Variants in DSCAML1 observed in about 807,000 individuals in gnomAD.
DSCAML1 encodes the protein cell adhesion molecule DSCAML1.
A neutral mutation model predicts 200.5 loss-of-function variants in DSCAML1; 38 were observed. The observed-to-expected ratio is 0.19, with a 90% CI of 0.15 to 0.25. The LOEUF is 0.25. Among genes scored for constraint, DSCAML1 ranks in the 10% least tolerant of loss-of-function variants. The probability of loss-of-function intolerance (pLI) is 1.00; values close to 1 mark genes in which losing one functional copy is unlikely to be tolerated. For synonymous variants in DSCAML1, 1,215 were observed against 1,165.0 expected (o/e 1.04, Z -0.87); for missense variants, 2,223 against 2,858.8 (o/e 0.78, Z 5.07).
chr11:117,433,280 G>T, intron 28 of DSCAML1, 24 bp from the exon 29 acceptor site: 2 of 1,595,008 alleles, frequency 1.3e-6, no homozygotes, highest in Non-Finnish European at 1.7e-6. Flanking sequence ...GACTGGAGGT[G>T]GTGGCTCAGC....
intron 3 of DSCAML1, among the ~76,000 whole-genome samples, chr11:117,738,417 C>A (rs1336863581): frequency 1.3e-5 from 2 of 151,890 alleles, no homozygotes; most frequent in Non-Finnish European, 2.9e-5. Context: ...TGACGTCAGC[C>A]AGACCCCTCT....
rs761551361 is a variant in DSCAML1 at position 117,481,977 on chromosome 11, C to T, written c.2545G>A (p.Val849Ile). 36 of 1,613,930 alleles carry T rather than the reference C, an allele frequency of 2.2e-5. No individual in the cohort carries two copies. The African/African-American group carries it at 2.7e-4, about 12-fold the overall frequency. Residue 849 changes from valine to isoleucine, a missense_variant, in exon 12 of 33, where the codon GTC (valine) becomes ATC (isoleucine). This residue lies in a region of DSCAML1 where 438 missense variants were observed against 629.7 expected (regional missense o/e 0.70). Coordinates refer to ENST00000651296, the MANE Select transcript of DSCAML1 (RefSeq NM_020693.4). ...IATKDNGDEVVSTLKLKPADR... is the reference protein window; with the variant it reads ...IATKDNGDEVISTLKLKPADR... ...GGGGTGCTCACCTTCAGTGTGGAGA[C>T]GACCTCGTCGCCGTTGTCCTTGGTG...
At chr11:117,582,047 C>G (rs1030130527) in intron 3 of DSCAML1, among the ~76,000 whole-genome samples, 2 of 152,168 alleles carry the variant, frequency 1.3e-5, no homozygotes, top group Non-Finnish European at 1.5e-5. Context: ...GATGCGCATT[C>G]TCTGAAAGTA....
At chr11:117,650,223 T>C (rs905185628) in intron 3 of DSCAML1, among the ~76,000 whole-genome samples, 2 of 152,068 alleles carry the variant, frequency 1.3e-5, no homozygotes, top group Non-Finnish European at 2.9e-5. Context: ...GTCTGCCCAC[T>C]CCCCACATGA....
chr11:117,518,554 G>T lies in DSCAML1; in HGVS notation c.1422C>A (p.Gly474=). The change falls in exon 7 of 33, where the codon GGC becomes GGA. Residue 474 remains glycine (G), a synonymous_variant. Coordinates refer to ENST00000651296, the MANE Select transcript of DSCAML1 (RefSeq NM_020693.4). The surrounding 1 kb of genome is among the most constrained non-coding windows in gnomAD (Gnocchi z 6.3). ...ACACGCCCCCGTCGCGGATCTGGGG[G>T]CCTGTGACGTTCATGTGGCTGATGG... ...GTTISHMNVT[G]PQIRDGGVYR... 3 of 1,614,206 alleles carry T rather than the reference G, an allele frequency of 1.9e-6. No individual in the cohort carries two copies. Among genetic ancestry groups the T allele is most frequent in the Non-Finnish European group, 1.7e-6 (2 of 1,180,046 alleles).
chr11:117,461,857 T>G (rs1046520720), intron 17 of DSCAML1, among the ~76,000 whole-genome samples: 7 of 152,180 alleles, frequency 4.6e-5, no homozygotes, highest in Non-Finnish European at 7.4e-5. Context: ...ACATTCCTGG[T>G]TGTGGTTAAA....
intron 3 of DSCAML1, among the ~76,000 whole-genome samples, chr11:117,575,970 T>C (rs1356109827): frequency 6.6e-6 from 1 of 152,182 alleles, no homozygotes; most frequent in Non-Finnish European, 1.5e-5. Context: ...ATAGAGAGGA[T>C]GCAGAGGGTC....
At position 117,509,356 on chromosome 11, in the gene DSCAML1, TGAA is replaced by T. The variant is rs542496851; in HGVS notation, c.1784-3627_1784-3625del. Among the ~76,000 whole-genome samples the T allele has an allele frequency of 2.1e-3, 315 of 152,260 alleles. 2 individuals are homozygous for T. The highest frequency in any genetic ancestry group is 6.6e-3 in the African/African-American group (274 of 41,528). ...AACATCAACAGCTCCGAGAGGCCAC[TGAA>T]GAAGAAGTAGCCAACATCCATCCTG... On this transcript the variant is annotated intron_variant, in intron 8 of 32. Coordinates refer to ENST00000651296, the MANE Select transcript of DSCAML1 (RefSeq NM_020693.4).
At chr11:117,679,299 G>C (rs191701592) in intron 3 of DSCAML1, among the ~76,000 whole-genome samples, 3 of 152,336 alleles carry the variant, frequency 2.0e-5, no homozygotes, top group African/African-American at 7.2e-5. Context: ...CATGAACCAG[G>C]CAGCTGGTGC....
At chr11:117,585,446 C>T (rs1423983766) in intron 3 of DSCAML1, among the ~76,000 whole-genome samples, 4 of 152,288 alleles carry the variant, frequency 2.6e-5, no homozygotes, top group Non-Finnish European at 2.9e-5. Context: ...GATAGGCTTT[C>T]ACATGTTGGC....
intron 3 of DSCAML1, among the ~76,000 whole-genome samples, chr11:117,747,661 C>T (rs1396086696): frequency 6.6e-6 from 1 of 152,208 alleles, no homozygotes; most frequent in East Asian, 1.9e-4. Flanking sequence ...GAAGGGGCTA[C>T]CTGAGTCAGG....
chr11:117,504,091 G>A lies in DSCAML1; in HGVS notation c.2183-70C>T. 6.5e-7 allele frequency: 1 copy of A among 1,545,196 alleles called. No homozygotes were observed. Reference sequence around the variant, plus strand: ...ATAAGCTGAGAGTGCCCCAGGAGTGGCCCTGACACCTCGCTCTTGCAGATC... The same window carrying A: ...ATAAGCTGAGAGTGCCCCAGGAGTGACCCTGACACCTCGCTCTTGCAGATC... On this transcript the variant is annotated intron_variant, in intron 10 of 32. Transcript: ENST00000651296. This position sits in a 1 kb window ranked among gnomAD's most constrained non-coding sequence, Gnocchi z 5.0.
intron 17 of DSCAML1, among the ~76,000 whole-genome samples, chr11:117,461,957 A>C (rs1441919277): frequency 6.6e-6 from 1 of 152,154 alleles, no homozygotes; most frequent in Non-Finnish European, 1.5e-5. Context: ...TGCTGTGATG[A>C]ACATGACAGA....
intron 1 of DSCAML1, among the ~76,000 whole-genome samples, chr11:117,810,864 TCTTC>T (rs999402526): frequency 3.6e-4 from 55 of 152,146 alleles, no homozygotes; most frequent in African/African-American, 1.2e-3. Flanking sequence ...TCGTCCCAAA[TCTTC>T]CTTCTTTCCC....
At chr11:117,570,086 A>T (rs1384474529) in intron 3 of DSCAML1, among the ~76,000 whole-genome samples, 1 of 151,370 alleles carries the variant, frequency 6.6e-6, no homozygotes, top group African/African-American at 2.4e-5. Context: ...CGTGTTGAGC[A>T]TGTGGGAATG....
chr11:117,595,334 C>A (rs1367274076), intron 3 of DSCAML1, among the ~76,000 whole-genome samples: 1 of 151,986 alleles, frequency 6.6e-6, no homozygotes, highest in Non-Finnish European at 1.5e-5. Flanking sequence ...ACAGAAAAAC[C>A]AAAGTAAGAC....
chr11:117,766,992 T>C (rs1262519920), intron 3 of DSCAML1, among the ~76,000 whole-genome samples: 1 of 152,174 alleles, frequency 6.6e-6, no homozygotes, highest in African/African-American at 2.4e-5. Context: ...TCCCTGGCTG[T>C]GTGACCTTGA....
chr11:117,760,678 T>TTGTGCACATG (rs1202774827), intron 3 of DSCAML1, among the ~76,000 whole-genome samples: 4 of 152,262 alleles, frequency 2.6e-5, no homozygotes, highest in Non-Finnish European at 4.4e-5. Context: ...CCATGTCTTT[T>TTGTGCACATG]TGTGCACATG....
intron 11 of DSCAML1, among the ~76,000 whole-genome samples, chr11:117,496,179 G>A (rs1040075747): frequency 6.6e-5 from 10 of 152,164 alleles, no homozygotes; most frequent in African/African-American, 1.4e-4. Flanking sequence ...ATTTTAGCAC[G>A]TGATCTTGTC....
Sources: gnomAD v4.1 joint callset for allele counts (sites outside exome capture counted in the v4.1 genomes callset) on GRCh38, gnomAD v4.1.1 for gene constraint, gnomAD v4.1.1 regional missense constraint, Gnocchi (gnomAD v3.1) non-coding constraint, MANE v1.5 for transcripts, NCBI Gene and HGNC (gene_info 2026-07-23, HGNC 2026-07-21) for gene names.